The following PRKCA variants were observed in gnomAD, a reference collection of about 807,000 sequenced individuals.
PRKCA encodes the protein protein kinase C alpha, also known as protein kinase C alpha type.
PRKCA carries 27 observed loss-of-function variants against 87.0 expected under a neutral mutation model. The observed-to-expected ratio is 0.31, with a 90% confidence interval of 0.23 to 0.43. The LOEUF is 0.43. Ranked by LOEUF, PRKCA falls within the 20% of genes least tolerant of loss-of-function variation. The pLI, the probability that PRKCA is intolerant of heterozygous loss-of-function variation, is 1.00. For missense variants in PRKCA, 518 were observed against 852.3 expected (o/e 0.61, Z 4.88); for synonymous variants, 329 against 311.1 (o/e 1.06, Z -0.61).
At chr17:66,658,491 AAACAAC>A (rs61208838) in intron 5 of PRKCA, among the ~76,000 whole-genome samples, 257 of 150,380 alleles carry the variant, frequency 1.7e-3, no homozygotes, top group Middle Eastern at 6.8e-3. Context: ...CTGTCTTCAA[AAACAAC>A]AACAACAACA....
At chr17:66,628,560 C>A (rs1161877800) in intron 3 of PRKCA, among the ~76,000 whole-genome samples, 1 of 152,094 alleles carries the variant, frequency 6.6e-6, no homozygotes, top group Non-Finnish European at 1.5e-5. Context: ...ATACTTCTTT[C>A]TACTTAACTA....
chr17:66,771,713 A>G (rs1208395330), intron 13 of PRKCA, among the ~76,000 whole-genome samples: 2 of 152,000 alleles, frequency 1.3e-5, no homozygotes, highest in African/African-American at 4.8e-5. Context: ...CTCCTACCTC[A>G]GCCTCCCAAG....
In PRKCA at chr17:66,805,282, T is replaced by C. The variant is rs1250658145; in HGVS notation, c.*1245T>C. 3.1e-6 allele frequency: 1 copy of C among 325,750 alleles called. No homozygotes were observed. The highest frequency in any genetic ancestry group is 4.4e-6 in the Non-Finnish European group (1 of 226,994). The allele number at this position is 325,750 out of a possible 1,614,324, so 20.2% of individuals were successfully genotyped here. ...TTTTGCAAATGCATCATGCAATGAA[T>C]TTTGCATGTTTATAATAAACCTTAA... On this transcript the variant is annotated 3_prime_UTR_variant, in exon 17 of 17. Transcript: ENST00000413366.
At chr17:66,560,343 C>A (rs1968639841) in intron 3 of PRKCA, among the ~76,000 whole-genome samples, 1 of 152,148 alleles carries the variant, frequency 6.6e-6, no homozygotes, top group Non-Finnish European at 1.5e-5. Context: ...TAAATACAAA[C>A]TGAAATCAAA....
At chr17:66,435,009 C>T (rs1913298877) in intron 2 of PRKCA, among the ~76,000 whole-genome samples, 1 of 152,180 alleles carries the variant, frequency 6.6e-6, no homozygotes, top group African/African-American at 2.4e-5. Flanking sequence ...CGACATTTTC[C>T]CTAATGCTGA....
chr17:66,694,544 T>C (rs1567980685), intron 8 of PRKCA, among the ~76,000 whole-genome samples: 1 of 146,018 alleles, frequency 6.8e-6, no homozygotes. Context: ...TCAACACAAG[T>C]ATAATCATAA....
chr17:66,704,402 A>C (rs115909336), intron 8 of PRKCA, among the ~76,000 whole-genome samples: 3 of 152,226 alleles, frequency 2.0e-5, no homozygotes, highest in African/African-American at 7.2e-5. Flanking sequence ...TTATCTGTAC[A>C]TACATATTCT....
intron 2 of PRKCA, among the ~76,000 whole-genome samples, chr17:66,346,254 G>T (rs895913055): frequency 6.6e-6 from 1 of 151,738 alleles, no homozygotes; most frequent in South Asian, 2.1e-4. Context: ...GTGCCACCAC[G>T]CCTGGCTAAT....
intron 8 of PRKCA, among the ~76,000 whole-genome samples, chr17:66,702,680 C>A (rs117768712): frequency 2.0e-5 from 3 of 152,200 alleles, no homozygotes; most frequent in Admixed American, 1.3e-4. Flanking sequence ...CATTGTATAC[C>A]TTAAACAATG....
At chr17:66,750,487 T>C (rs1974404136) in intron 13 of PRKCA, among the ~76,000 whole-genome samples, 1 of 152,200 alleles carries the variant, frequency 6.6e-6, no homozygotes, top group Non-Finnish European at 1.5e-5. Flanking sequence ...GGTTTTATTA[T>C]CTCATATATT....
rs2143432016 is a variant in PRKCA at position 66,576,752 on chromosome 17, T to G, written c.289-64603T>G. On this transcript the variant is annotated intron_variant, in intron 3 of 16. Coordinates refer to ENST00000413366, the MANE Select transcript of PRKCA (RefSeq NM_002737.3). ...GCAGCTGTGGCCTGTTCCTGTCTCCTGAGTGAGGAGCATTCACGATGTTCT... is the reference window on the plus strand; with the variant it reads ...GCAGCTGTGGCCTGTTCCTGTCTCCGGAGTGAGGAGCATTCACGATGTTCT... Among the ~76,000 whole-genome samples the G allele has an allele frequency of 2.0e-5, 3 of 152,328 alleles. 1 individual carries two copies. The highest frequency in any genetic ancestry group is 2.0e-4 in the Admixed American group (3 of 15,306).
At chr17:66,400,824 A>G (rs1035495730) in intron 2 of PRKCA, among the ~76,000 whole-genome samples, 1 of 152,188 alleles carries the variant, frequency 6.6e-6, no homozygotes, top group Non-Finnish European at 1.5e-5. Flanking sequence ...AAGACTATCT[A>G]TAGTTTATTA....
intron 2 of PRKCA, among the ~76,000 whole-genome samples, chr17:66,464,198 G>A (rs186355223): frequency 5.3e-5 from 8 of 151,822 alleles, no homozygotes; most frequent in African/African-American, 9.7e-5. Flanking sequence ...ATGTCTTTTC[G>A]TGGCTGGATG....
chr17:66,803,453 A>G lies in PRKCA; in HGVS notation c.1855-420A>G, dbSNP rs545180400. Among the ~76,000 whole-genome samples the G allele has an allele frequency of 1.3e-5, 2 of 152,012 alleles. No individual in the cohort carries two copies. Among genetic ancestry groups the G allele is most frequent in the Non-Finnish European group, 2.9e-5 (2 of 67,976 alleles). ...AAAAACAGATGTGGGGCAGTAACTCACCCCGTCGCTTGGTCCAGGGGTAAC... is the reference window on the plus strand; with the variant it reads ...AAAAACAGATGTGGGGCAGTAACTCGCCCCGTCGCTTGGTCCAGGGGTAAC... On this transcript the variant is annotated intron_variant, in intron 16 of 16. Transcript: ENST00000413366. The surrounding 1 kb of genome is among the most constrained non-coding windows in gnomAD (Gnocchi z 4.4).
intron 2 of PRKCA, among the ~76,000 whole-genome samples, chr17:66,358,588 T>C (rs1908204841): frequency 6.6e-6 from 1 of 152,168 alleles, no homozygotes; most frequent in Non-Finnish European, 1.5e-5. Flanking sequence ...CTGTTGACAG[T>C]GTAGCAGCAA....
chr17:66,426,976 T>C (rs145890321), intron 2 of PRKCA, among the ~76,000 whole-genome samples: 1 of 152,270 alleles, frequency 6.6e-6, no homozygotes, highest in African/African-American at 2.4e-5. Context: ...TAACCTTTAT[T>C]GTTTAAGGCA....
intron 2 of PRKCA, among the ~76,000 whole-genome samples, chr17:66,462,498 A>G (rs375501628): frequency 2.0e-5 from 3 of 152,256 alleles, no homozygotes; most frequent in African/African-American, 7.2e-5. Context: ...CAAGGTACTT[A>G]TTTATTTTTA....
intron 14 of PRKCA, among the ~76,000 whole-genome samples, chr17:66,781,881 A>G (rs1354936043): frequency 2.3e-4 from 30 of 130,404 alleles, no homozygotes; most frequent in Non-Finnish European, 2.8e-4. Flanking sequence ...ATATATATAT[A>G]TATATAGTGT....
chr17:66,709,622 T>C (rs1220611950), intron 8 of PRKCA, among the ~76,000 whole-genome samples: 1 of 152,078 alleles, frequency 6.6e-6, no homozygotes, highest in Non-Finnish European at 1.5e-5. Flanking sequence ...TCTGAGATGA[T>C]TTTAACTTAT....
Sources: allele counts gnomAD v4.1 joint callset (sites outside exome capture counted in the v4.1 genomes callset), GRCh38; gene constraint gnomAD v4.1.1; non-coding constraint Gnocchi (gnomAD v3.1); transcripts MANE v1.5; gene names NCBI Gene and HGNC (gene_info 2026-07-23, HGNC 2026-07-21).